Variants in SPRY3 observed in about 807,000 individuals in gnomAD.
SPRY3 encodes the protein protein sprouty homolog 3.
Under a neutral mutation model 20.2 loss-of-function variants are expected in SPRY3, and 15 were observed. That is an observed-to-expected ratio of 0.74 (90% CI 0.50 to 1.14). The LOEUF (loss-of-function observed/expected upper bound fraction) is 1.14, where lower values mean the gene tolerates loss of function less well. SPRY3 is among the 50% of genes most tolerant of loss of function. The pLI, the probability that SPRY3 is intolerant of heterozygous loss-of-function variation, is 0.00. For missense variants in SPRY3, 364 were observed against 363.9 expected (o/e 1.00, Z 0.00); for synonymous variants, 143 against 136.5 (o/e 1.05, Z -0.33).
intron 2 of SPRY3, among the ~76,000 whole-genome samples, chrX:155,729,402 A>G (rs2091118865): frequency 6.6e-6 from 1 of 152,138 alleles, no homozygotes; most frequent in African/African-American, 2.4e-5. Flanking sequence ...AATCAATAAC[A>G]AAAGGAATTC....
intron 2 of SPRY3, among the ~76,000 whole-genome samples, chrX:155,751,981 AAT>A (rs1385607483): frequency 6.7e-6 from 1 of 148,496 alleles, no homozygotes; most frequent in African/African-American, 2.5e-5. Context: ...AATAAAATAA[AAT>A]AAAGGAAAGG....
intron 1 of SPRY3, among the ~76,000 whole-genome samples, chrX:155,616,866 A>G (rs1557348941): frequency 2.7e-5 from 3 of 110,711 alleles, no homozygotes; most frequent in African/African-American, 9.9e-5. Context: ...ATTAGTACCC[A>G]TGTTAATAGG....
chrX:155,772,374 T>G (rs2091386232), intron 3 of SPRY3, among the ~76,000 whole-genome samples: 2 of 152,196 alleles, frequency 1.3e-5, no homozygotes, highest in Non-Finnish European at 2.9e-5. Context: ...GTGTCATGTT[T>G]GCTTGCTTAT....
chrX:155,657,968 G>A (rs1046404236), intron 2 of SPRY3, among the ~76,000 whole-genome samples: 2 of 111,652 alleles, frequency 1.8e-5, no homozygotes, highest in Admixed American at 9.5e-5. Flanking sequence ...GATGAATAAT[G>A]TACCTCAGTT....
At chrX:155,645,030 A>T (rs1557351731) in intron 1 of SPRY3, among the ~76,000 whole-genome samples, 1 of 111,319 alleles carries the variant, frequency 9.0e-6, no homozygotes, top group East Asian at 2.8e-4. Context: ...TCAGGACCCA[A>T]GGGCTCTTCA....
intron 2 of SPRY3, among the ~76,000 whole-genome samples, chrX:155,679,362 C>G (rs1016153845): frequency 9.4e-6 from 1 of 106,301 alleles, no homozygotes; most frequent in African/African-American, 3.5e-5. Context: ...AGTCCAAGAT[C>G]AAGACACCAG....
intron 2 of SPRY3, among the ~76,000 whole-genome samples, chrX:155,738,347 TA>T (rs36033271): frequency 0.57 from 85,731 of 150,654 alleles, 24,384 homozygotes; most frequent in African/African-American, 0.8. Flanking sequence ...AACTCAACAG[TA>T]AAAAAAAAAT....
At chrX:155,732,643 T>A in intron 2 of SPRY3, among the ~76,000 whole-genome samples, 1 of 152,146 alleles carries the variant, frequency 6.6e-6, no homozygotes, top group Middle Eastern at 3.4e-3. Context: ...GCAATCCCAC[T>A]GTTGGGTATA....
exon 4 of SPRY3, chrX:155,775,208 C>A (rs1313148488): frequency 5.3e-6 from 1 of 188,320 alleles, no homozygotes; most frequent in Admixed American, 5.5e-5. Flanking sequence ...CTCCCTGTTA[C>A]TGCCCTTCTC....
At chrX:155,731,063 AT>A (rs2091129317) in intron 2 of SPRY3, among the ~76,000 whole-genome samples, 1 of 152,142 alleles carries the variant, frequency 6.6e-6, no homozygotes, top group African/African-American at 2.4e-5. Context: ...AAGAATCAAT[AT>A]TGTAAAAATG....
At chrX:155,727,739 T>G (rs2091108083) in intron 2 of SPRY3, among the ~76,000 whole-genome samples, 1 of 152,148 alleles carries the variant, frequency 6.6e-6, no homozygotes, top group Non-Finnish European at 1.5e-5. Flanking sequence ...TGAAATGGGT[T>G]AGAATGTGCT....
chrX:155,712,296 C>A (rs897894097), intron 2 of SPRY3, among the ~76,000 whole-genome samples: 4 of 151,930 alleles, frequency 2.6e-5, no homozygotes, highest in African/African-American at 4.8e-5. Context: ...GGTATTGAAG[C>A]CTTCAGCTAT....
chrX:155,686,365 A>C (rs1398765778), intron 2 of SPRY3, among the ~76,000 whole-genome samples: 1 of 111,499 alleles, frequency 9.0e-6, no homozygotes, highest in Non-Finnish European at 1.9e-5. Context: ...TAAGGCATTC[A>C]ATCTGATTTA....
At chrX:155,732,750 A>C (rs2091142367) in intron 2 of SPRY3, among the ~76,000 whole-genome samples, 1 of 152,114 alleles carries the variant, frequency 6.6e-6, no homozygotes, top group Non-Finnish European at 1.5e-5. Flanking sequence ...GAAGGAACCC[A>C]AAATGTTTAT....
intron 1 of SPRY3, among the ~76,000 whole-genome samples, chrX:155,652,987 A>T (rs2067981675): frequency 9.0e-6 from 1 of 111,477 alleles, no homozygotes; most frequent in Non-Finnish European, 1.9e-5. Context: ...GCCTCTTTTC[A>T]TGTGCTTACT....
At chrX:155,752,408 A>G (rs1569395760) in intron 2 of SPRY3, among the ~76,000 whole-genome samples, 2 of 151,808 alleles carry the variant, frequency 1.3e-5, no homozygotes, top group Admixed American at 1.3e-4. Flanking sequence ...GTTTGACTGC[A>G]TAACAATTTA....
rs370900397 is a variant in SPRY3 at position 155,623,342 on chromosome X, C to T, written c.-441+10695C>T. Among the ~76,000 whole-genome samples the T allele has an allele frequency of 2.1e-4, 23 of 111,959 alleles. No homozygotes were observed. In the South Asian group the frequency reaches 5.5e-3, roughly 27 times the overall value. On this transcript the variant is annotated intron_variant, in intron 1 of 3. Transcript: ENST00000675360. ...TTACAGTGTCCAAAATGAAAGTCCA[C>T]ATTTTTTTCAACAGAGGAATGGGCA... is the stretch of plus-strand genomic sequence containing the variant.
intron 1 of SPRY3, among the ~76,000 whole-genome samples, chrX:155,628,298 T>G (rs2124525892): frequency 9.0e-6 from 1 of 111,602 alleles, no homozygotes; most frequent in South Asian, 3.7e-4. Context: ...TTCCTATTTC[T>G]CCAAGCAATT....
chrX:155,616,150 T>TCCTCTC (rs55763745), intron 1 of SPRY3, among the ~76,000 whole-genome samples: 2 of 40,024 alleles, frequency 5.0e-5, no homozygotes, highest in African/African-American at 1.2e-4. Context: ...TCTCTCTCTC[T>TCCTCTC]TCTCTCTCTC....
Sources: allele counts gnomAD v4.1 joint callset (sites outside exome capture counted in the v4.1 genomes callset), GRCh38; gene constraint gnomAD v4.1.1; transcripts MANE v1.5; gene names NCBI Gene and HGNC (gene_info 2026-07-23, HGNC 2026-07-21).